The following SHROOM3 variants were observed in gnomAD, a reference collection of about 807,000 sequenced individuals.
SHROOM3 encodes shroom family member 3, also known as protein Shroom3.
Under a neutral mutation model 138.6 loss-of-function variants are expected in SHROOM3, and 47 were observed. The ratio of observed to expected loss-of-function variants is 0.34; its 90% CI spans 0.27 to 0.43. The LOEUF (loss-of-function observed/expected upper bound fraction) is 0.43, where lower values mean the gene tolerates loss of function less well. Among genes scored for constraint, SHROOM3 ranks in the 20% least tolerant of loss-of-function variants. The pLI, the probability that SHROOM3 is intolerant of heterozygous loss-of-function variation, is 1.00. For missense variants in SHROOM3, 2,491 were observed against 2,596.5 expected, an observed-to-expected ratio of 0.96 and a Z score of 0.88; for synonymous variants, 1,062 against 1,063.3, an observed-to-expected ratio of 1.00 and a Z score of 0.02.
intron 9 of SHROOM3, among the ~76,000 whole-genome samples, chr4:76,764,960 T>C (rs1722099028): frequency 6.6e-6 from 1 of 152,310 alleles, no homozygotes; most frequent in East Asian, 1.9e-4. Context: ...CTTTAGTGAC[T>C]AGTGATACAG....
intron 3 of SHROOM3, among the ~76,000 whole-genome samples, chr4:76,711,761 T>C (rs973160886): frequency 2.0e-5 from 3 of 150,998 alleles, no homozygotes; most frequent in Non-Finnish European, 4.4e-5. Flanking sequence ...TACACAAATA[T>C]ACATAAAAGA....
intron 1 of SHROOM3, among the ~76,000 whole-genome samples, chr4:76,476,917 T>G (rs1386589692): frequency 6.6e-6 from 1 of 152,206 alleles, no homozygotes; most frequent in East Asian, 1.9e-4. Flanking sequence ...TATTAAAGGA[T>G]TAAAGATATA....
Position 76,740,242 on chromosome 4 carries a change from G to A in SHROOM3, c.2069G>A (p.Gly690Glu), listed in dbSNP as rs763863570. Residue 690 changes from glycine to glutamate, a missense_variant, in exon 5 of 11, where the codon GGG becomes GAG. This residue lies in a region of SHROOM3 where 1,733 missense variants were observed against 1,661.6 expected (regional missense o/e 1.04). Transcript: ENST00000296043. The surrounding 1 kb of genome is among the most constrained non-coding windows in gnomAD (Gnocchi z 4.0). ...LGRGTQEGYPGGRPTCAVNTK... is the reference protein window; with the variant it reads ...LGRGTQEGYPEGRPTCAVNTK... ...CGGGGAACCCAGGAGGGTTACCCCG[G>A]GGGCAGGCCCACCTGTGCAGTCAAC... is the stretch of plus-strand genomic sequence containing the variant. The A allele has an allele frequency of 6.2e-7, 1 of 1,613,330 alleles. No homozygotes were observed. The highest frequency in any genetic ancestry group is 2.2e-5 in the East Asian group (1 of 44,880).
At position 76,742,133 on chromosome 4, in the gene SHROOM3, G is replaced by GT. The variant is rs1721282252; in HGVS notation, c.3753+208dup. On this transcript the variant is annotated intron_variant, in intron 5 of 10. Transcript: ENST00000296043. ...ATAAAGATATAGGTATCTAGATTAC[G>GT]TATGTTGTTATACAGATTCTCTATC... 4 of 694,552 alleles carry GT rather than the reference G, an allele frequency of 5.8e-6. No individual in the cohort carries two copies. In the Admixed American group the frequency reaches 8.4e-5, roughly 15 times the overall value. 43.0% of individuals were successfully genotyped at this position (694,552 alleles called of 1,614,324 possible).
chr4:76,576,013 G>T (rs1271066624), intron 2 of SHROOM3, among the ~76,000 whole-genome samples: 1 of 152,174 alleles, frequency 6.6e-6, no homozygotes. Flanking sequence ...TCCTAGTGAG[G>T]ATGTGGAGAA....
chr4:76,551,499 G>A (rs536783758), intron 1 of SHROOM3, among the ~76,000 whole-genome samples: 6 of 152,146 alleles, frequency 3.9e-5, no homozygotes, highest in African/African-American at 7.2e-5. Context: ...CACTGTACTC[G>A]CAGCTTTTAG....
chr4:76,508,739 G>T (rs987588366), intron 1 of SHROOM3, among the ~76,000 whole-genome samples: 1 of 152,210 alleles, frequency 6.6e-6, no homozygotes. Context: ...AATGTTTCAT[G>T]GTTTTCAGTG....
At chr4:76,446,123 A>G (rs1044906013) in intron 1 of SHROOM3, among the ~76,000 whole-genome samples, 10 of 152,300 alleles carry the variant, frequency 6.6e-5, no homozygotes, top group Non-Finnish European at 1.0e-4. Context: ...ATGCTAGCTC[A>G]TGTAAGCATT....
At chr4:76,532,986 T>C (rs1196710498) in intron 1 of SHROOM3, among the ~76,000 whole-genome samples, 1 of 152,204 alleles carries the variant, frequency 6.6e-6, no homozygotes, top group Admixed American at 6.6e-5. Flanking sequence ...GTGGCGTCTA[T>C]AGTGTGGATA....
In SHROOM3 at chr4:76,755,208, G is replaced by A. The variant is rs1237081189; in HGVS notation, c.4709+16G>A. 1.2e-6 allele frequency: 2 copies of A among 1,611,690 alleles called. No homozygotes were observed. Among genetic ancestry groups the A allele is most frequent in the Non-Finnish European group, 1.7e-6 (2 of 1,178,932 alleles). On this transcript the variant is annotated intron_variant, in intron 7 of 10. Coordinates refer to ENST00000296043, the MANE Select transcript of SHROOM3 (RefSeq NM_020859.4). The stretch of plus-strand genomic sequence containing the variant: ...CACGCCCCAGGTGAGTGAGCAGACT[G>A]GGCAGCTTTCCCCCACTAACAGGAG...
At chr4:76,471,323 A>G (rs137930616) in intron 1 of SHROOM3, among the ~76,000 whole-genome samples, 5,667 of 150,364 alleles carry the variant, frequency 0.038, 118 homozygotes, top group Middle Eastern at 0.071. Context: ...GGCTCACTAC[A>G]ACCTTTGCCT....
At chr4:76,746,714 G>A (rs375941997) in intron 5 of SHROOM3, among the ~76,000 whole-genome samples, 35 of 151,762 alleles carry the variant, frequency 2.3e-4, no homozygotes, top group African/African-American at 7.0e-4. Flanking sequence ...ATCAGTGACA[G>A]AGATATTGAG....
Position 76,740,931 on chromosome 4 carries a change from T to C in SHROOM3, c.2758T>C (p.Phe920Leu). 6 of 1,495,862 alleles carry C rather than the reference T, an allele frequency of 4.0e-6. No homozygotes were observed. The highest frequency in any genetic ancestry group is 5.3e-6 in the Non-Finnish European group (6 of 1,126,528). 92.7% of individuals were successfully genotyped at this position (1,495,862 alleles called of 1,614,324 possible). The change falls in exon 5 of 11, where the codon TTC (phenylalanine) becomes CTC (leucine). Residue 920 changes from phenylalanine to leucine, a missense_variant. By Grantham distance (22) the Phe-to-Leu change is conservative (BLOSUM62 0). Coordinates refer to ENST00000296043, the MANE Select transcript of SHROOM3 (RefSeq NM_020859.4). This position sits in a 1 kb window ranked among gnomAD's most constrained non-coding sequence, Gnocchi z 4.0. ...SPESPLLDAPFSRAYRNSIKD... is the reference protein window; with the variant it reads ...SPESPLLDAPLSRAYRNSIKD... ...CGAATCGCCCCTGCTGGATGCCCCC[T>C]TCAGCCGCGCCTACCGGAACAGCAT...
rs767746202 is a variant in SHROOM3 at position 76,741,278 on chromosome 4, C to T, written c.3105C>T (p.Ala1035=). 36 of 1,611,894 alleles carry T rather than the reference C, an allele frequency of 2.2e-5. No homozygotes were observed. Among genetic ancestry groups the T allele is most frequent in the Non-Finnish European group, 2.8e-5 (33 of 1,179,672 alleles). The change falls in exon 5 of 11, where the codon GCC becomes GCT. Residue 1035 remains alanine (A), a synonymous_variant. Transcript: ENST00000296043. This position sits in a 1 kb window ranked among gnomAD's most constrained non-coding sequence, Gnocchi z 6.2. Reference sequence around the variant, plus strand: ...ACGAGGTGGGGATCGTGGAGGAGGCCGAACCGGCACCCCTGGGCCCGCAGA... The same window carrying T: ...ACGAGGTGGGGATCGTGGAGGAGGCTGAACCGGCACCCCTGGGCCCGCAGA... ...KMNEVGIVEE[A]EPAPLGPQRN...
chr4:76,667,507 A>T (rs1477762686), intron 2 of SHROOM3, among the ~76,000 whole-genome samples: 3 of 151,832 alleles, frequency 2.0e-5, no homozygotes, highest in Non-Finnish European at 4.4e-5. Flanking sequence ...TTTTGTAGAA[A>T]CAAGGTCTCA....
chr4:76,743,702 T>A (rs1245726915), intron 5 of SHROOM3, among the ~76,000 whole-genome samples: 1 of 152,198 alleles, frequency 6.6e-6, no homozygotes, highest in African/African-American at 2.4e-5. Flanking sequence ...CCCTCCCAGA[T>A]GTTTTCTGTT....
rs1358293015 is a variant in SHROOM3 at position 76,739,743 on chromosome 4, G to A, written c.1570G>A (p.Gly524Ser). ...IDENGNQNGS[G>S]RPGFAFCQPL... ...TGAGAATGGGAACCAGAATGGATCTGGCAGGCCTGGGTTTGCCTTCTGCCA... is the reference window on the plus strand; with the variant it reads ...TGAGAATGGGAACCAGAATGGATCTAGCAGGCCTGGGTTTGCCTTCTGCCA... Residue 524 changes from glycine to serine, a missense_variant, in exon 5 of 11, where the codon GGC (glycine) becomes AGC (serine). Coordinates refer to ENST00000296043, the MANE Select transcript of SHROOM3 (RefSeq NM_020859.4). 3.1e-6 allele frequency: 5 copies of A among 1,614,108 alleles called. No individual in the cohort carries two copies. The highest frequency in any genetic ancestry group is 1.3e-5 in the African/African-American group (1 of 74,934).
chr4:76,627,323 G>A (rs962839829), intron 2 of SHROOM3, among the ~76,000 whole-genome samples: 2 of 152,164 alleles, frequency 1.3e-5, no homozygotes, highest in African/African-American at 4.8e-5. Context: ...AGACCCTTCA[G>A]AACTGTGGTT....
chr4:76,731,894 A>G (rs1009047573), intron 4 of SHROOM3, among the ~76,000 whole-genome samples: 3 of 152,214 alleles, frequency 2.0e-5, no homozygotes, highest in African/African-American at 7.2e-5. Context: ...CCAGGTTTCA[A>G]AGCTGCTGCA....
Sources: allele counts gnomAD v4.1 joint callset (sites outside exome capture counted in the v4.1 genomes callset), GRCh38; gene constraint gnomAD v4.1.1; regional missense constraint gnomAD v4.1.1; non-coding constraint Gnocchi (gnomAD v3.1); transcripts MANE v1.5; gene names NCBI Gene and HGNC (gene_info 2026-07-23, HGNC 2026-07-21).